Variants in SEL1L3 observed in about 807,000 individuals in gnomAD.
SEL1L3 encodes protein sel-1 homolog 3.
Under a neutral mutation model 142.8 loss-of-function variants are expected in SEL1L3, and 76 were observed. The ratio of observed to expected loss-of-function variants is 0.53; its 90% CI spans 0.44 to 0.64. The LOEUF is 0.64. SEL1L3 is among the 30% of genes least tolerant of loss of function. SEL1L3 has a pLI of 0.00. For synonymous variants in SEL1L3, 504 were observed against 519.6 expected, an observed-to-expected ratio of 0.97 and a Z score of 0.41; for missense variants, 1,262 against 1,381.7, an observed-to-expected ratio of 0.91 and a Z score of 1.37.
At chr4:25,812,714 G>GA (rs35102531) in intron 9 of SEL1L3, among the ~76,000 whole-genome samples, 2,553 of 112,030 alleles carry the variant, frequency 0.023, 67 homozygotes, top group African/African-American at 0.069. Context: ...CTCTGTCTCA[G>GA]AAAAAAAAAA....
intron 6 of SEL1L3, among the ~76,000 whole-genome samples, chr4:25,824,286 G>C (rs929643098): frequency 3.3e-5 from 5 of 152,174 alleles, no homozygotes; most frequent in Admixed American, 6.5e-5. Flanking sequence ...TAACGGAGCT[G>C]CAGCTGAACC....
At chr4:25,752,370 T>C (rs1334495390) in intron 23 of SEL1L3, among the ~76,000 whole-genome samples, 8 of 134,330 alleles carry the variant, frequency 6.0e-5, no homozygotes, top group East Asian at 2.2e-4. Flanking sequence ...TGAGCCGAGA[T>C]AGCGCCACTG....
At chr4:25,735,545 T>C in the SEL1L3 span, among the ~76,000 whole-genome samples, 1 of 151,336 alleles carries the variant, frequency 6.6e-6, no homozygotes, top group African/African-American at 2.4e-5. Flanking sequence ...CTTTTCTTTA[T>C]TATATTTTCC....
chr4:25,802,483 A>G (rs1280324543), intron 10 of SEL1L3, 21 bp from the exon 11 acceptor site: 1 of 1,601,064 alleles, frequency 6.2e-7, no homozygotes, highest in Non-Finnish European at 8.5e-7. Flanking sequence ...GAAATTGACA[A>G]AGCGTTCATG....
chr4:25,731,899 C>A, the SEL1L3 span, among the ~76,000 whole-genome samples: 10,151 of 152,104 alleles, frequency 0.067, 369 homozygotes, highest in Middle Eastern at 0.16. Flanking sequence ...ATGACGAAAA[C>A]CCATCTCTAC....
intron 1 of SEL1L3, among the ~76,000 whole-genome samples, chr4:25,848,237 C>T (rs1389299395): frequency 2.0e-5 from 3 of 152,234 alleles, no homozygotes; most frequent in African/African-American, 7.2e-5. Flanking sequence ...CAGCTTCAGA[C>T]ATTTTCAAAC....
At chr4:25,789,106 A>C (rs1251880961) in intron 12 of SEL1L3, among the ~76,000 whole-genome samples, 1 of 152,148 alleles carries the variant, frequency 6.6e-6, no homozygotes, top group Non-Finnish European at 1.5e-5. Context: ...TATGCCCAGG[A>C]ACGTGGCCAG....
At position 25,767,816 on chromosome 4, in the gene SEL1L3, AG is replaced by A; in HGVS notation, c.2683del (p.Leu895CysfsTer5). The A allele has an allele frequency of 6.4e-7, 1 of 1,563,958 alleles. No homozygotes were observed. The highest frequency in any genetic ancestry group is 8.7e-7 in the Non-Finnish European group (1 of 1,151,552). Reference protein sequence around the residue: ...YLEGSWHEALLYYVLAAETGI... With the variant: ...YLEGSWHEALXYYVLAAETGI... The stretch of plus-strand genomic sequence containing the variant: ...AGTTTCTGCTGCTAAAACATAATAC[AG>A]CAAAGCTTCATGCCTAAAAATAGAT... On this transcript the variant is annotated frameshift_variant, in exon 18 of 24. Transcript: ENST00000399878. LOFTEE classifies it high-confidence loss of function.
the SEL1L3 span, among the ~76,000 whole-genome samples, chr4:25,723,410 G>A: frequency 1.3e-5 from 2 of 152,176 alleles, no homozygotes; most frequent in Non-Finnish European, 2.9e-5. Flanking sequence ...ACCTACAGGT[G>A]CCCAAGTGAA....
chr4:25,719,732 A>G, the SEL1L3 span: 1 of 152,188 alleles, frequency 6.6e-6, no homozygotes, highest in Non-Finnish European at 1.5e-5. Flanking sequence ...TGTTGGAACA[A>G]TAATATTTAG....
At chr4:25,716,815 A>G in the SEL1L3 span, among the ~76,000 whole-genome samples, 911 of 152,254 alleles carry the variant, frequency 6.0e-3, 12 homozygotes, top group African/African-American at 0.021. Flanking sequence ...GACAAGTACA[A>G]TGGAATTAGA....
At chr4:25,739,726 A>AC in the SEL1L3 span, among the ~76,000 whole-genome samples, 3 of 149,500 alleles carry the variant, frequency 2.0e-5, no homozygotes, top group African/African-American at 7.7e-5. Flanking sequence ...AAAACAAAAA[A>AC]AAAACCCATG....
chr4:25,769,305 C>A (rs539141199), intron 17 of SEL1L3, among the ~76,000 whole-genome samples: 90 of 152,208 alleles, frequency 5.9e-4, no homozygotes, highest in African/African-American at 2.1e-3. Flanking sequence ...GATAGTTAGA[C>A]CTTCAGTCAG....
chr4:25,741,118 T>C, the SEL1L3 span, among the ~76,000 whole-genome samples: 1 of 150,590 alleles, frequency 6.6e-6, no homozygotes, highest in East Asian at 2.0e-4. Context: ...CTTTTTTTTT[T>C]TTTTAGATGG....
At chr4:25,724,475 C>G in the SEL1L3 span, among the ~76,000 whole-genome samples, 1 of 151,896 alleles carries the variant, frequency 6.6e-6, no homozygotes, top group Non-Finnish European at 1.5e-5. Context: ...GGTACAGTGG[C>G]TCATGCCTGT....
intron 14 of SEL1L3, 132 bp from the exon 15 acceptor site, chr4:25,782,550 G>T (rs1042152852): frequency 2.6e-6 from 2 of 781,576 alleles, no homozygotes; most frequent in Non-Finnish European, 4.0e-6. Context: ...GGAGCAGATG[G>T]CATTAAAGAA....
rs1291192170 is a variant in SEL1L3 at position 25,831,504 on chromosome 4, AATAATAATT to A, written c.1099-1357_1099-1349del. Among the ~76,000 whole-genome samples the A allele has an allele frequency of 5.8e-3, 544 of 94,332 alleles. 3 individuals carry two copies. Among genetic ancestry groups the A allele is most frequent in the African/African-American group, 0.015 (301 of 20,588 alleles). The allele number at this position is 94,332 out of a possible 152,430, so 61.9% of individuals were successfully genotyped here. On this transcript the variant is annotated intron_variant, in intron 5 of 23. Transcript: ENST00000399878. Reference sequence around the variant, plus strand: ...TTAATTATTTTTAAATAATAATAATAATAATAATTATTATTATTATTATTATTATTATTA... The same window carrying A: ...TTAATTATTTTTAAATAATAATAATAATTATTATTATTATTATTATTATTA...
In SEL1L3 at chr4:25,782,325, CTT is replaced by C; in HGVS notation, c.2372_2373del (p.Glu791GlyfsTer33). The C allele has an allele frequency of 6.2e-7, 1 of 1,613,936 alleles. No homozygotes were observed. Among genetic ancestry groups the C allele is most frequent in the Non-Finnish European group, 8.5e-7 (1 of 1,179,826 alleles). On this transcript the variant is annotated frameshift_variant, in exon 15 of 24. Coordinates refer to ENST00000399878, the MANE Select transcript of SEL1L3 (RefSeq NM_015187.5). LOFTEE classifies it high-confidence loss of function. ...AKAAKYWLKA[E>X]EMGNPDASYN... The stretch of plus-strand genomic sequence containing the variant: ...TATGACGCATCTGGGTTCCCCATTT[CTT>C]CTGCTTTTAACCAGTACTTTGCTGC...
upstream of SEL1L3, chr4:25,863,438 T>G: frequency 1.4e-6 from 1 of 699,970 alleles, no homozygotes; most frequent in Non-Finnish European, 2.6e-6. Context: ...ACCCACCCCT[T>G]TTGCGGGTCG....
Sources: gnomAD v4.1 joint callset for allele counts (sites outside exome capture counted in the v4.1 genomes callset) on GRCh38, gnomAD v4.1.1 for gene constraint, MANE v1.5 for transcripts, NCBI Gene and HGNC (gene_info 2026-07-23, HGNC 2026-07-21) for gene names.